Variants in LMNTD1 observed in about 807,000 individuals in gnomAD.
LMNTD1 encodes the protein lamin tail domain-containing protein 1.
A neutral mutation model predicts 50.9 loss-of-function variants in LMNTD1; 35 were observed. The observed-to-expected ratio is 0.69, with a 90% CI of 0.53 to 0.91. The LOEUF (loss-of-function observed/expected upper bound fraction) is 0.91. LMNTD1 is among the 40% of genes least tolerant of loss of function. The pLI is 0.00. For synonymous variants in LMNTD1, 153 were observed against 161.9 expected, an observed-to-expected ratio of 0.94 and a Z score of 0.42; for missense variants, 470 against 475.5, an observed-to-expected ratio of 0.99 and a Z score of 0.11.
intron 1 of LMNTD1, among the ~76,000 whole-genome samples, chr12:25,604,959 C>A (rs1219344921): frequency 1.3e-5 from 2 of 152,174 alleles, no homozygotes; most frequent in East Asian, 1.9e-4. Flanking sequence ...TTTACAGTCC[C>A]ACCAACAGTG....
chr12:25,533,741 T>C (rs1942377097), intron 4 of LMNTD1, among the ~76,000 whole-genome samples: 2 of 152,228 alleles, frequency 1.3e-5, no homozygotes, highest in South Asian at 4.1e-4. Context: ...TGGTAGATCC[T>C]TAATGTAATG....
At chr12:25,537,368 G>A (rs1942680671) in intron 4 of LMNTD1, among the ~76,000 whole-genome samples, 1 of 152,210 alleles carries the variant, frequency 6.6e-6, no homozygotes, top group Non-Finnish European at 1.5e-5. Flanking sequence ...GTACGCAGCT[G>A]GAGATCTGGG....
In LMNTD1 at chr12:25,489,536, CT is replaced by C. The variant is rs777924411; in HGVS notation, c.*23-13077del. 1.7e-3 allele frequency among the ~76,000 whole-genome samples: 242 copies of C among 140,434 alleles called. 18 individuals are homozygous for C. The highest frequency in any genetic ancestry group is 3.2e-3 in the Non-Finnish European group (207 of 64,160). 92.1% of individuals were successfully genotyped at this position (140,434 alleles called of 152,430 possible). On this transcript the variant is annotated intron_variant, in intron 9 of 9. Transcript: ENST00000458174. ...ACCTGCGCCCACTGTCTGGCACTCC[CT>C]AGTGAGATGAACCTGGTACCTCAGA...
chr12:25,533,210 CT>C (rs1424542924), intron 4 of LMNTD1, among the ~76,000 whole-genome samples: 2 of 152,164 alleles, frequency 1.3e-5, no homozygotes, highest in Non-Finnish European at 2.9e-5. Flanking sequence ...TGTTAATCTG[CT>C]GTCACACAGC....
chr12:25,604,124 A>T (rs1198737148), intron 1 of LMNTD1, among the ~76,000 whole-genome samples: 2 of 152,084 alleles, frequency 1.3e-5, no homozygotes, highest in Non-Finnish European at 2.9e-5. Context: ...GTGGCAGAGA[A>T]TCTGCTTCCT....
intron 4 of LMNTD1, among the ~76,000 whole-genome samples, chr12:25,529,085 A>G (rs149438151): frequency 6.6e-6 from 1 of 152,126 alleles, no homozygotes; most frequent in African/African-American, 2.4e-5. Context: ...CTATATCTTC[A>G]TGTCTCCTCA....
chr12:25,483,772 CAAAA>C (rs10582917), intron 9 of LMNTD1, among the ~76,000 whole-genome samples: 2 of 146,612 alleles, frequency 1.4e-5, no homozygotes, highest in Non-Finnish European at 1.5e-5. Context: ...CATTCCATCT[CAAAA>C]AAAAAAAAAA....
chr12:25,533,032 C>T (rs2136129836), intron 4 of LMNTD1, among the ~76,000 whole-genome samples: 1 of 152,274 alleles, frequency 6.6e-6, no homozygotes, highest in East Asian at 1.9e-4. Flanking sequence ...AAAAATCCTT[C>T]ATTATACAAG....
intron 1 of LMNTD1, among the ~76,000 whole-genome samples, chr12:25,631,092 A>G (rs1311281544): frequency 6.6e-6 from 1 of 152,172 alleles, no homozygotes; most frequent in Non-Finnish European, 1.5e-5. Context: ...CCGCCTAGGA[A>G]CATAACTCCA....
chr12:25,627,449 C>T (rs562489618), intron 1 of LMNTD1, among the ~76,000 whole-genome samples: 1 of 152,250 alleles, frequency 6.6e-6, no homozygotes, highest in South Asian at 2.1e-4. Context: ...CATTTTATGT[C>T]ACAAGAGAAA....
intron 1 of LMNTD1, among the ~76,000 whole-genome samples, chr12:25,639,569 A>G (rs941916627): frequency 8.5e-5 from 13 of 152,332 alleles, no homozygotes; most frequent in African/African-American, 3.1e-4. Flanking sequence ...ATCATTAATC[A>G]TTAGGGGAAT....
At chr12:25,590,055 A>G (rs1310463179) in intron 1 of LMNTD1, among the ~76,000 whole-genome samples, 2 of 151,494 alleles carry the variant, frequency 1.3e-5, no homozygotes, top group African/African-American at 4.8e-5. Flanking sequence ...AACTATCTAC[A>G]TGCTATACAC....
intron 9 of LMNTD1, among the ~76,000 whole-genome samples, chr12:25,484,613 C>T (rs1258052500): frequency 2.0e-5 from 3 of 149,860 alleles, no homozygotes; most frequent in African/African-American, 5.0e-5. Context: ...ACTAACTCAT[C>T]ATCTAGCATT....
chr12:25,513,453 T>C (rs1213631906), intron 8 of LMNTD1, among the ~76,000 whole-genome samples: 1 of 152,182 alleles, frequency 6.6e-6, no homozygotes, highest in African/African-American at 2.4e-5. Context: ...CTGGCCAACA[T>C]GGCAAAGCCC....
At chr12:25,490,523 G>A (rs1938849544) in intron 9 of LMNTD1, among the ~76,000 whole-genome samples, 1 of 152,106 alleles carries the variant, frequency 6.6e-6, no homozygotes, top group Non-Finnish European at 1.5e-5. Flanking sequence ...TTAAGGTATG[G>A]AAAAAGGAAA....
At chr12:25,487,966 T>C (rs1938719349) in intron 9 of LMNTD1, among the ~76,000 whole-genome samples, 1 of 147,338 alleles carries the variant, frequency 6.8e-6, no homozygotes, top group Admixed American at 6.9e-5. Context: ...TGGCCCCCAC[T>C]CTCTTCTGGC....
At chr12:25,518,406 A>G (rs552884925) in intron 8 of LMNTD1, among the ~76,000 whole-genome samples, 54 of 152,364 alleles carry the variant, frequency 3.5e-4, no homozygotes, top group Non-Finnish European at 5.7e-4. Flanking sequence ...GGGGATTAAC[A>G]TTAGAGTGTG....
Position 25,594,038 on chromosome 12 carries a change from A to T in LMNTD1, c.59-47484T>A, listed in dbSNP as rs1945779935. Among the ~76,000 whole-genome samples the T allele has an allele frequency of 2.0e-5, 3 of 152,284 alleles. No individual in the cohort carries two copies. The East Asian group carries it at 5.8e-4, about 29-fold the overall frequency. On this transcript the variant is annotated intron_variant, in intron 1 of 7. Coordinates refer to the LMNTD1 transcript ENST00000445693. ...AAGACAAAGAAAAAAGAATAAGAAA[A>T]TATGAACAAAGCCTCCAAGAAGTCT...
At chr12:25,647,802 G>A (rs11048144) in intron 1 of LMNTD1, among the ~76,000 whole-genome samples, 17,892 of 152,072 alleles carry the variant, frequency 0.12, 1,629 homozygotes, top group African/African-American at 0.25. Flanking sequence ...TCTGTCTCTA[G>A]TTGACCAAAA....
Sources: gnomAD v4.1 joint callset for allele counts (sites outside exome capture counted in the v4.1 genomes callset) on GRCh38, gnomAD v4.1.1 for gene constraint, MANE v1.5 for transcripts, NCBI Gene and HGNC (gene_info 2026-07-23, HGNC 2026-07-21) for gene names.